Variants in CLOCK observed in about 807,000 individuals in gnomAD.
The protein encoded by CLOCK is clock circadian regulator, also known as circadian locomoter output cycles protein kaput.
In CLOCK, 43 loss-of-function variants were observed where a neutral mutation model predicts 118.4. The observed-to-expected ratio is 0.36, with a 90% confidence interval of 0.28 to 0.47. The LOEUF (loss-of-function observed/expected upper bound fraction) is 0.47, where lower values mean the gene tolerates loss of function less well. Among genes scored for constraint, CLOCK ranks in the 20% least tolerant of loss-of-function variants. The pLI is 1.00. For missense variants in CLOCK, 846 were observed against 999.9 expected (o/e 0.85, Z 2.08); for synonymous variants, 326 against 339.2 (o/e 0.96, Z 0.43).
At chr4:55,440,582 T>A (rs1176237032) in intron 21 of CLOCK, among the ~76,000 whole-genome samples, 1 of 152,048 alleles carries the variant, frequency 6.6e-6, no homozygotes, top group Non-Finnish European at 1.5e-5. Context: ...ACCAAATACT[T>A]TAATGCAAAA....
chr4:55,442,186 G>C (rs992588004), intron 21 of CLOCK: 3 of 488,668 alleles, frequency 6.1e-6, no homozygotes, highest in African/African-American at 5.8e-5. Flanking sequence ...GTGTGCTGCA[G>C]AATTTGTATT....
At chr4:55,462,886 T>G (rs536751204) in intron 9 of CLOCK, among the ~76,000 whole-genome samples, 11 of 151,844 alleles carry the variant, frequency 7.2e-5, no homozygotes, top group African/African-American at 2.7e-4. Context: ...TTTTAGACAG[T>G]ATGCTATAGA....
At chr4:55,438,623 A>G (rs975239895) in intron 21 of CLOCK, 86 bp from the exon 22 acceptor site, 22 of 1,591,152 alleles carry the variant, frequency 1.4e-5, no homozygotes, top group Non-Finnish European at 1.8e-5. Context: ...CTTACCTAAG[A>G]TAATACCCAA....
chr4:55,470,965 G>T (rs187526705), intron 7 of CLOCK, among the ~76,000 whole-genome samples, 159 bp from the exon 8 acceptor site: 1 of 152,252 alleles, frequency 6.6e-6, no homozygotes, highest in Non-Finnish European at 1.5e-5. Context: ...ACCTTGGTAT[G>T]TATCTTTGTT....
intron 1 of CLOCK, among the ~76,000 whole-genome samples, chr4:55,544,716 T>C (rs1204246390): frequency 6.6e-6 from 1 of 152,196 alleles, no homozygotes; most frequent in African/African-American, 2.4e-5. Context: ...TATGAGTCCA[T>C]AATACACACA....
intron 1 of CLOCK, among the ~76,000 whole-genome samples, chr4:55,534,436 A>C (rs1274110743): frequency 6.6e-6 from 1 of 152,180 alleles, no homozygotes; most frequent in East Asian, 1.9e-4. Context: ...AACAGCACAC[A>C]GTCTATGTGC....
chr4:55,503,339 C>G (rs910621570), intron 2 of CLOCK, among the ~76,000 whole-genome samples: 2 of 152,158 alleles, frequency 1.3e-5, no homozygotes, highest in African/African-American at 4.8e-5. Context: ...CTACATGCAT[C>G]AACATGGATG....
intron 1 of CLOCK, among the ~76,000 whole-genome samples, chr4:55,533,912 A>C (rs1003776353): frequency 6.6e-6 from 1 of 152,222 alleles, no homozygotes; most frequent in African/African-American, 2.4e-5. Context: ...CAAAAAAATA[A>C]AACAAAAACA....
intron 2 of CLOCK, among the ~76,000 whole-genome samples, chr4:55,499,998 T>C (rs1279110736): frequency 6.6e-6 from 1 of 152,058 alleles, no homozygotes; most frequent in African/African-American, 2.4e-5. Context: ...TTTAAGTACA[T>C]ATACCACTAT....
At position 55,443,541 on chromosome 4, in the gene CLOCK, TTAA is replaced by T. The variant is rs942712070; in HGVS notation, c.1902+143_1902+145del. 1.0e-5 allele frequency: 7 copies of T among 690,180 alleles called. No individual in the cohort carries two copies. The African/African-American group carries it at 1.3e-4, about 12-fold the overall frequency. The allele number at this position is 690,180 out of a possible 1,614,324, so 42.8% of individuals were successfully genotyped here. A position where few individuals can be genotyped will look rare whatever the true frequency, so the allele number is the denominator to read the frequency against. On this transcript the variant is annotated intron_variant, in intron 20 of 22. Transcript: ENST00000513440. Reference sequence around the variant, plus strand: ...ACTAACATGATTTGCACAAAATATTTTAATAATCACTCTCAATACTATACTTTC... The same window carrying T: ...ACTAACATGATTTGCACAAAATATTTTAATCACTCTCAATACTATACTTTC...
chr4:55,464,106 C>T (rs766747909), intron 8 of CLOCK, among the ~76,000 whole-genome samples: 99 of 152,118 alleles, frequency 6.5e-4, no homozygotes, highest in Admixed American at 1.6e-3. Context: ...AAATCTCTGG[C>T]GACAAGTCAT....
chr4:55,546,638 C>G (rs867638069), intron 1 of CLOCK, 144 bp downstream of exon 1: 2 of 132,926 alleles, frequency 1.5e-5, no homozygotes, highest in Non-Finnish European at 3.2e-5. Flanking sequence ...CCCACCCCCC[C>G]AAAAATTCGC....
intron 19 of CLOCK, 54 bp downstream of exon 19, chr4:55,444,579 A>G (rs1402472428): frequency 1.2e-6 from 2 of 1,610,666 alleles, no homozygotes; most frequent in Non-Finnish European, 1.7e-6. Context: ...TAATTTTCCT[A>G]GAAATCCAAA....
chr4:55,534,467 T>G lies in CLOCK; in HGVS notation c.-290+12315A>C, dbSNP rs549094825. ...TGTGCTGTTGTACTGCAGAATCTAA[T>G]ACTCCTGGGTATTTTTGTTATAGCA... On this transcript the variant is annotated intron_variant, in intron 1 of 22. Transcript: ENST00000513440. 2.5e-3 allele frequency among the ~76,000 whole-genome samples: 374 copies of G among 152,326 alleles called. 2 individuals are homozygous for G. The highest frequency in any genetic ancestry group is 8.2e-3 in the African/African-American group (341 of 41,570).
At chr4:55,459,858 C>T (rs1240757130) in intron 9 of CLOCK, among the ~76,000 whole-genome samples, 1 of 152,062 alleles carries the variant, frequency 6.6e-6, no homozygotes, top group Non-Finnish European at 1.5e-5. Context: ...AATGGGGTCT[C>T]ACTATGTTGC....
intron 2 of CLOCK, among the ~76,000 whole-genome samples, chr4:55,496,904 A>T (rs906301325): frequency 1.3e-5 from 2 of 152,198 alleles, no homozygotes; most frequent in Admixed American, 6.5e-5. Flanking sequence ...AATACAATAA[A>T]CTGGAATTGA....
chr4:55,515,460 C>T (rs771464075), intron 1 of CLOCK, among the ~76,000 whole-genome samples: 6 of 152,086 alleles, frequency 3.9e-5, no homozygotes, highest in Non-Finnish European at 7.4e-5. Flanking sequence ...CTGCAGCCTC[C>T]GCCTCCCGGG....
At chr4:55,521,967 TAGAG>T (rs1183662534) in intron 1 of CLOCK, among the ~76,000 whole-genome samples, 9 of 152,002 alleles carry the variant, frequency 5.9e-5, no homozygotes, top group Non-Finnish European at 1.3e-4. Context: ...AAAACAGAGA[TAGAG>T]AGATCACAAA....
chr4:55,500,552 T>C (rs1275563021), intron 2 of CLOCK, among the ~76,000 whole-genome samples: 2 of 152,116 alleles, frequency 1.3e-5, no homozygotes, highest in Admixed American at 1.3e-4. Flanking sequence ...GATCTCATTA[T>C]GTTGCCCAGG....
Sources: gnomAD v4.1 joint callset for allele counts (sites outside exome capture counted in the v4.1 genomes callset) on GRCh38, gnomAD v4.1.1 for gene constraint, MANE v1.5 for transcripts, NCBI Gene and HGNC (gene_info 2026-07-23, HGNC 2026-07-21) for gene names.